Variants in RERG observed in about 807,000 individuals in gnomAD.
RERG encodes ras-related and estrogen-regulated growth inhibitor.
A neutral mutation model predicts 23.2 loss-of-function variants in RERG; 25 were observed. The observed-to-expected ratio is 1.08, with a 90% CI of 0.79 to 1.50. The LOEUF is 1.50. RERG is among the 40% of genes most tolerant of loss of function. The pLI is 0.00. For missense variants in RERG, 253 were observed against 250.1 expected, an observed-to-expected ratio of 1.01 and a Z score of -0.08; for synonymous variants, 81 against 89.1, an observed-to-expected ratio of 0.91 and a Z score of 0.51.
At chr12:15,159,432 T>C (rs1200159541) in intron 2 of RERG, among the ~76,000 whole-genome samples, 1 of 152,252 alleles carries the variant, frequency 6.6e-6, no homozygotes, top group Non-Finnish European at 1.5e-5. Flanking sequence ...GATTTAACTA[T>C]ATATTTTAAA....
chr12:15,125,137 T>C (rs552786591), intron 2 of RERG, among the ~76,000 whole-genome samples: 12 of 152,126 alleles, frequency 7.9e-5, no homozygotes, highest in African/African-American at 2.9e-4. Context: ...TAAAATACTT[T>C]TCAAGGGACT....
At chr12:15,208,232 C>T (rs756622961) in intron 2 of RERG, among the ~76,000 whole-genome samples, 2 of 152,056 alleles carry the variant, frequency 1.3e-5, no homozygotes, top group African/African-American at 2.4e-5. Context: ...GAGACAATTG[C>T]TTTGAATGAA....
At chr12:15,119,431 G>A (rs1665271586) in intron 3 of RERG, among the ~76,000 whole-genome samples, 1 of 152,002 alleles carries the variant, frequency 6.6e-6, no homozygotes, top group African/African-American at 2.4e-5. Context: ...CTTTCATTGA[G>A]ATATATGGAT....
intron 2 of RERG, among the ~76,000 whole-genome samples, chr12:15,212,649 T>C (rs1325323780): frequency 6.6e-6 from 1 of 152,160 alleles, no homozygotes; most frequent in African/African-American, 2.4e-5. Context: ...GGTATATAGC[T>C]ACTTAAATAG....
rs567448629 is a variant in RERG, at chr12:15,139,548, A to C, written c.62-18429T>G. Among the ~76,000 whole-genome samples the C allele has an allele frequency of 2.6e-5, 4 of 152,278 alleles. No individual in the cohort carries two copies. The East Asian group carries it at 7.7e-4, about 29-fold the overall frequency. On this transcript the variant is annotated intron_variant, in intron 2 of 4. Coordinates refer to ENST00000256953, the MANE Select transcript of RERG (RefSeq NM_032918.3). Reference sequence around the variant, plus strand: ...ATCTGGTACATATTTTGTTAGATTTATACATAAGCATTTAATTTTCTTTGT... The same window carrying C: ...ATCTGGTACATATTTTGTTAGATTTCTACATAAGCATTTAATTTTCTTTGT...
In RERG at chr12:15,109,299, G is replaced by A. The variant is rs1208849300; in HGVS notation, c.411C>T (p.Ala137=). 6 of 1,613,976 alleles carry A rather than the reference G, an allele frequency of 3.7e-6. No individual in the cohort carries two copies. The highest frequency in any genetic ancestry group is 1.7e-5 in the Admixed American group (1 of 60,002). ...QVSTEEGEKL[A]TELACAFYEC... is the part of the protein sequence containing the mutation. ...CGTAAAAAGCACAAGCCAATTCTGT[G>A]GCCAGCTTCTCTCCTTCTTCTGTGC... The change falls in exon 5 of 5, where the codon GCC becomes GCT. Residue 137 remains alanine, a synonymous_variant. Transcript: ENST00000256953.
chr12:15,204,491 A>G (rs959271685), intron 2 of RERG, among the ~76,000 whole-genome samples: 5 of 151,856 alleles, frequency 3.3e-5, no homozygotes, highest in Non-Finnish European at 7.4e-5. Context: ...ATAGAGGAAA[A>G]GCTTCATGAC....
intron 2 of RERG, among the ~76,000 whole-genome samples, chr12:15,178,267 C>T (rs1432588887): frequency 6.6e-6 from 1 of 152,148 alleles, no homozygotes; most frequent in African/African-American, 2.4e-5. Context: ...CTAAATAAAA[C>T]ATGCGACCTC....
intron 2 of RERG, among the ~76,000 whole-genome samples, chr12:15,143,066 C>G (rs901452563): frequency 6.6e-6 from 1 of 152,172 alleles, no homozygotes; most frequent in African/African-American, 2.4e-5. Context: ...TTGGTACATG[C>G]TGTCTGAAGC....
chr12:15,213,155 A>G (rs911338328), intron 2 of RERG, among the ~76,000 whole-genome samples: 1 of 152,234 alleles, frequency 6.6e-6, no homozygotes, highest in Non-Finnish European at 1.5e-5. Flanking sequence ...TGTGGCACAC[A>G]ATATTTCAGT....
At chr12:15,165,368 C>T (rs1451902651) in intron 2 of RERG, among the ~76,000 whole-genome samples, 2 of 152,078 alleles carry the variant, frequency 1.3e-5, no homozygotes, top group African/African-American at 4.8e-5. Context: ...AATAAAGTTG[C>T]TCAAGCTCCA....
intron 2 of RERG, among the ~76,000 whole-genome samples, chr12:15,171,787 T>C (rs903243775): frequency 3.9e-5 from 6 of 152,208 alleles, no homozygotes; most frequent in Admixed American, 3.3e-4. Context: ...AACATTGACA[T>C]ACTCTGACTA....
chr12:15,208,325 G>T (rs935707951), intron 2 of RERG, among the ~76,000 whole-genome samples: 2 of 152,148 alleles, frequency 1.3e-5, no homozygotes, highest in African/African-American at 4.8e-5. Flanking sequence ...AAAGGTGGAT[G>T]TGCAAGAATG....
intron 2 of RERG, among the ~76,000 whole-genome samples, chr12:15,128,011 C>A (rs1248685244): frequency 6.6e-6 from 1 of 152,210 alleles, no homozygotes; most frequent in African/African-American, 2.4e-5. Flanking sequence ...ATGAACCCAA[C>A]TCTGTTTACC....
At chr12:15,120,569 C>T (rs1327456512) in intron 3 of RERG, among the ~76,000 whole-genome samples, 2 of 151,986 alleles carry the variant, frequency 1.3e-5, no homozygotes, top group Non-Finnish European at 2.9e-5. Flanking sequence ...GATCCACAGA[C>T]ATCATATTTT....
At chr12:15,141,146 ATG>A (rs1864231774) in intron 2 of RERG, among the ~76,000 whole-genome samples, 2 of 139,734 alleles carry the variant, frequency 1.4e-5, no homozygotes, top group South Asian at 4.5e-4. Flanking sequence ...GTTCCTATTG[ATG>A]TGTCTTTTTT....
At chr12:15,130,007 T>C (rs1477748597) in intron 2 of RERG, among the ~76,000 whole-genome samples, 2 of 152,124 alleles carry the variant, frequency 1.3e-5, no homozygotes, top group Non-Finnish European at 2.9e-5. Context: ...GGGAATATAA[T>C]GGGAAAACAA....
chr12:15,120,656 T>C (rs1863814878), intron 3 of RERG, among the ~76,000 whole-genome samples: 1 of 152,136 alleles, frequency 6.6e-6, no homozygotes, highest in Non-Finnish European at 1.5e-5. Context: ...GAGAAACATA[T>C]TTTATTTTTC....
In RERG at chr12:15,109,285, C is replaced by G. The variant is rs962894634; in HGVS notation, c.425G>C (p.Cys142Ser). 1.2e-6 allele frequency: 2 copies of G among 1,613,988 alleles called. No individual in the cohort carries two copies. Among genetic ancestry groups the G allele is most frequent in the Admixed American group, 1.7e-5 (1 of 60,008 alleles). Residue 142 changes from cysteine (C) to serine (S), a missense_variant, in exon 5 of 5, where the codon TGT becomes TCT. Cys to Ser is a moderately radical substitution (Grantham distance 112, BLOSUM62 -1). Coordinates refer to ENST00000256953, the MANE Select transcript of RERG (RefSeq NM_032918.3). ...EGEKLATELA[C>S]AFYECSACTG... Reference sequence around the variant, plus strand: ...GCAGGCAGAGCACTCGTAAAAAGCACAAGCCAATTCTGTGGCCAGCTTCTC... The same window carrying G: ...GCAGGCAGAGCACTCGTAAAAAGCAGAAGCCAATTCTGTGGCCAGCTTCTC...
Sources: gnomAD v4.1 joint callset for allele counts (sites outside exome capture counted in the v4.1 genomes callset) on GRCh38, gnomAD v4.1.1 for gene constraint, MANE v1.5 for transcripts, NCBI Gene and HGNC (gene_info 2026-07-23, HGNC 2026-07-21) for gene names.